SLC24A2: variants seen among roughly 807,000 people sequenced by gnomAD.
SLC24A2 encodes sodium/potassium/calcium exchanger 2.
In SLC24A2, 36 loss-of-function variants were observed where a neutral mutation model predicts 62.0. That is an observed-to-expected ratio of 0.58 (90% CI 0.44 to 0.77). SLC24A2 has a LOEUF of 0.77. Among genes scored for constraint, SLC24A2 ranks in the 30% least tolerant of loss-of-function variants. The probability of loss-of-function intolerance (pLI) is 0.00; values close to 1 mark genes in which losing one functional copy is unlikely to be tolerated. For synonymous variants in SLC24A2, 358 were observed against 294.0 expected, an observed-to-expected ratio of 1.22 and a Z score of -2.23; for missense variants, 846 against 817.9, an observed-to-expected ratio of 1.03 and a Z score of -0.42.
the SLC24A2 span, among the ~76,000 whole-genome samples, chr9:20,213,564 C>T: frequency 6.6e-6 from 1 of 152,090 alleles, no homozygotes; most frequent in Non-Finnish European, 1.5e-5. Flanking sequence ...ATTTACCAAC[C>T]TTCTCTGCTT....
At chr9:19,999,180 G>C in the SLC24A2 span, among the ~76,000 whole-genome samples, 1 of 152,234 alleles carries the variant, frequency 6.6e-6, no homozygotes, top group Non-Finnish European at 1.5e-5. Flanking sequence ...GGAGCAGGGA[G>C]CCACGGCTTT....
chr9:20,079,757 T>C, the SLC24A2 span, among the ~76,000 whole-genome samples: 1 of 152,214 alleles, frequency 6.6e-6, no homozygotes, highest in Non-Finnish European at 1.5e-5. Context: ...ATAAGAATGC[T>C]TGTGATTTTT....
At chr9:19,537,368 T>C (rs1834028999) in intron 8 of SLC24A2, among the ~76,000 whole-genome samples, 1 of 59,374 alleles carries the variant, frequency 1.7e-5, no homozygotes, top group Non-Finnish European at 3.2e-5. Flanking sequence ...CCATCTTGAA[T>C]TGATTTTTGT....
At chr9:20,183,008 A>G in the SLC24A2 span, among the ~76,000 whole-genome samples, 8 of 152,322 alleles carry the variant, frequency 5.3e-5, no homozygotes, top group South Asian at 1.0e-3. Context: ...CTGCAAAAAG[A>G]TAAGGCAGGA....
chr9:19,509,643 A>T lies in SLC24A2; in HGVS notation c.*6510T>A, dbSNP rs886579484. 6.6e-6 allele frequency: 1 copy of T among 152,230 alleles called. No individual in the cohort carries two copies. The highest frequency in any genetic ancestry group is 1.5e-5 in the Non-Finnish European group (1 of 68,038). 9.4% of individuals were successfully genotyped at this position (152,230 alleles called of 1,614,324 possible). A position where few individuals can be genotyped will look rare whatever the true frequency, so the allele number is the denominator to read the frequency against. ...TTGTTTAATTAAATGGCAAGAAGTT[A>T]TCTACCCTTAATTTATGCATGTAAT... On this transcript the variant is annotated 3_prime_UTR_variant, in exon 11 of 11. Transcript: ENST00000341998.
In SLC24A2 at chr9:19,525,395, T is replaced by C. The variant is rs1833394711; in HGVS notation, c.1569+2654A>G. Among the ~76,000 whole-genome samples the C allele has an allele frequency of 1.5e-4, 10 of 67,568 alleles. No individual in the cohort carries two copies. The South Asian group carries it at 5.1e-3, about 34-fold the overall frequency. 44.3% of individuals were successfully genotyped at this position (67,568 alleles called of 152,430 possible). Reference sequence around the variant, plus strand: ...TTTTTTTTTCCTATTTCTTTACTTTTTTTTTTTTTTTTTTTTTTTTTTTTA... The same window carrying C: ...TTTTTTTTTCCTATTTCTTTACTTTCTTTTTTTTTTTTTTTTTTTTTTTTA... On this transcript the variant is annotated intron_variant, in intron 9 of 10. Transcript: ENST00000341998.
At chr9:20,103,215 C>T in the SLC24A2 span, among the ~76,000 whole-genome samples, 1 of 152,182 alleles carries the variant, frequency 6.6e-6, no homozygotes, top group Non-Finnish European at 1.5e-5. Context: ...TGGGTGGAGC[C>T]CACCACAGCT....
At chr9:19,652,373 G>A (rs561276137) in intron 2 of SLC24A2, among the ~76,000 whole-genome samples, 3 of 152,140 alleles carry the variant, frequency 2.0e-5, no homozygotes, top group Non-Finnish European at 4.4e-5. Context: ...TTAAGTTAAG[G>A]ATCTTGAGAT....
chr9:20,250,766 G>C, the SLC24A2 span, among the ~76,000 whole-genome samples: 25,466 of 151,984 alleles, frequency 0.17, 3,036 homozygotes, highest in African/African-American at 0.34. Flanking sequence ...AATCTACATG[G>C]TATCCAAAAT....
the SLC24A2 span, among the ~76,000 whole-genome samples, chr9:19,983,836 C>T: frequency 1.3e-5 from 2 of 151,966 alleles, no homozygotes; most frequent in African/African-American, 2.4e-5. Context: ...ACACTGAAAA[C>T]AACAAAACAT....
At chr9:19,940,581 A>G in the SLC24A2 span, among the ~76,000 whole-genome samples, 1 of 152,034 alleles carries the variant, frequency 6.6e-6, no homozygotes, top group Non-Finnish European at 1.5e-5. Flanking sequence ...CCCAACCCCA[A>G]AAGGCTTGTG....
At chr9:19,568,794 G>C (rs1835752893) in intron 7 of SLC24A2, among the ~76,000 whole-genome samples, 1 of 152,138 alleles carries the variant, frequency 6.6e-6, no homozygotes, top group Non-Finnish European at 1.5e-5. Flanking sequence ...CAATTGCCTG[G>C]TTCAACATTG....
the SLC24A2 span, among the ~76,000 whole-genome samples, chr9:19,930,923 TG>T: frequency 6.6e-6 from 1 of 152,200 alleles, no homozygotes; most frequent in East Asian, 1.9e-4. Context: ...TTAATTTTAC[TG>T]CATCCCACAA....
chr9:19,542,524 C>G (rs1465324630), intron 8 of SLC24A2, among the ~76,000 whole-genome samples: 2 of 152,172 alleles, frequency 1.3e-5, no homozygotes, highest in African/African-American at 4.8e-5. Flanking sequence ...TGCCAGTTTT[C>G]AAAGGGAATG....
rs76575248 is a variant in SLC24A2, at chr9:19,558,492, A to G, written c.1348-8224T>C. On this transcript the variant is annotated intron_variant, in intron 7 of 10. Coordinates refer to ENST00000341998, the MANE Select transcript of SLC24A2 (RefSeq NM_020344.4). ...AATGAGGGCTTGTGATTTTATGTGC[A>G]CTTCATTGCTGATGGCACCCCTGAT... Among the ~76,000 whole-genome samples, 193 of 152,320 alleles carry G rather than the reference A, an allele frequency of 1.3e-3. 6 individuals carry two copies. In the East Asian group the frequency reaches 0.033, roughly 26 times the overall value.
intron 2 of SLC24A2, among the ~76,000 whole-genome samples, chr9:19,744,795 CCATT>C (rs1363038547): frequency 2.6e-5 from 4 of 152,152 alleles, no homozygotes; most frequent in Non-Finnish European, 5.9e-5. Flanking sequence ...ACTCTGCTTC[CCATT>C]CAAATACCTT....
At chr9:19,591,624 C>T (rs187562060) in intron 5 of SLC24A2, among the ~76,000 whole-genome samples, 50 of 152,270 alleles carry the variant, frequency 3.3e-4, no homozygotes, top group African/African-American at 7.7e-4. Flanking sequence ...AGAATACAGA[C>T]GTGATGGCCA....
chr9:19,522,041 C>T (rs1010455408), intron 9 of SLC24A2, among the ~76,000 whole-genome samples: 1 of 152,146 alleles, frequency 6.6e-6, no homozygotes, highest in African/African-American at 2.4e-5. Context: ...TGGGTTCTTG[C>T]TCTGTTGCCC....
At position 19,544,876 on chromosome 9, in the gene SLC24A2, A is replaced by G. The variant is rs146712955; in HGVS notation, c.1479+5261T>C. Among the ~76,000 whole-genome samples the G allele has an allele frequency of 7.7e-3, 1,173 of 152,058 alleles. 16 individuals carry two copies. The highest frequency in any genetic ancestry group is 0.027 in the African/African-American group (1,117 of 41,474). On this transcript the variant is annotated intron_variant, in intron 8 of 10. Coordinates refer to ENST00000341998, the MANE Select transcript of SLC24A2 (RefSeq NM_020344.4). ...CCTTAACAATTTTTCCTTCATTTCA[A>G]CTTTGGTGAATCTGATGATTATGTG...
Sources: allele counts gnomAD v4.1 joint callset (sites outside exome capture counted in the v4.1 genomes callset), GRCh38; gene constraint gnomAD v4.1.1; transcripts MANE v1.5; gene names NCBI Gene and HGNC (gene_info 2026-07-23, HGNC 2026-07-21).